ZSWIM6: variants seen among roughly 807,000 people sequenced by gnomAD.
The protein encoded by ZSWIM6 is zinc finger SWIM-type containing 6, also known as zinc finger SWIM domain-containing protein 6.
A neutral mutation model predicts 113.2 loss-of-function variants in ZSWIM6; 9 were observed. The observed-to-expected ratio is 0.08, with a 90% CI of 0.05 to 0.14. ZSWIM6 has a LOEUF of 0.14. ZSWIM6 is among the 10% of genes least tolerant of loss of function. ZSWIM6 has a pLI of 1.00. For missense variants in ZSWIM6, 1,162 were observed against 1,552.2 expected (o/e 0.75, Z 4.22); for synonymous variants, 611 against 606.5 (o/e 1.01, Z -0.11).
At chr5:61,371,964 G>A (rs909910760) in intron 1 of ZSWIM6, among the ~76,000 whole-genome samples, 3 of 152,028 alleles carry the variant, frequency 2.0e-5, no homozygotes, top group Non-Finnish European at 4.4e-5. Flanking sequence ...TGTTCTAAAA[G>A]TTCCCTATGA....
At position 61,526,354 on chromosome 5, in the gene ZSWIM6, C is replaced by A. The variant is rs2112269022; in HGVS notation, c.1795C>A (p.Gln599Lys). The A allele has an allele frequency of 1.3e-6, 2 of 1,552,026 alleles. No individual in the cohort carries two copies. The highest frequency in any genetic ancestry group is 2.4e-5 in the South Asian group (2 of 84,032). Residue 599 changes from glutamine (Q) to lysine (K), a missense_variant, in exon 7 of 14, where the codon CAG (glutamine) becomes AAG (lysine). Coordinates refer to ENST00000252744, the MANE Select transcript of ZSWIM6 (RefSeq NM_020928.2). ...AIAIVNTLRR[Q>K]QQKQLEMFRT... ...AGCTATTGTTAATACATTAAGACGACAGCAGCAGAAACAGTTGGAAATGTT... is the reference window on the plus strand; with the variant it reads ...AGCTATTGTTAATACATTAAGACGAAAGCAGCAGAAACAGTTGGAAATGTT...
chr5:61,494,174 G>A (rs1287323795), intron 3 of ZSWIM6, 86 bp from the exon 4 acceptor site: 3 of 1,365,762 alleles, frequency 2.2e-6, no homozygotes, highest in African/African-American at 1.4e-5. Context: ...ACAGAGAAAA[G>A]TGGTGGTTTG....
At chr5:61,416,807 G>A (rs945053851) in intron 1 of ZSWIM6, among the ~76,000 whole-genome samples, 1 of 152,204 alleles carries the variant, frequency 6.6e-6, no homozygotes, top group African/African-American at 2.4e-5. Context: ...AGGTAGACAG[G>A]GAATGAATGA....
chr5:61,497,994 C>T (rs1025111806), intron 4 of ZSWIM6, among the ~76,000 whole-genome samples: 1 of 152,072 alleles, frequency 6.6e-6, no homozygotes, highest in African/African-American at 2.4e-5. Context: ...CACTTAATTA[C>T]TGTGGGGGTC....
intron 1 of ZSWIM6, among the ~76,000 whole-genome samples, chr5:61,396,160 T>C (rs1745833337): frequency 6.6e-6 from 1 of 152,204 alleles, no homozygotes; most frequent in African/African-American, 2.4e-5. Context: ...TACTTTTCTT[T>C]ATCACCTTCA....
intron 1 of ZSWIM6, among the ~76,000 whole-genome samples, chr5:61,406,038 G>T (rs974262675): frequency 6.6e-6 from 1 of 152,272 alleles, no homozygotes; most frequent in East Asian, 1.9e-4. Flanking sequence ...AGCTGCATTA[G>T]GGTCTTCTGC....
intron 4 of ZSWIM6, among the ~76,000 whole-genome samples, chr5:61,509,902 C>T (rs1215136559): frequency 6.6e-6 from 1 of 151,960 alleles, no homozygotes; most frequent in Non-Finnish European, 1.5e-5. Context: ...AGTCTGAGCA[C>T]TCCAATTCTG....
intron 4 of ZSWIM6, among the ~76,000 whole-genome samples, chr5:61,516,494 A>C (rs1029802319): frequency 6.8e-6 from 1 of 146,540 alleles, no homozygotes; most frequent in Non-Finnish European, 1.5e-5. Flanking sequence ...TGTGGTTGTT[A>C]GGCTCTACAT....
chr5:61,508,952 TAA>T (rs1200799075), intron 4 of ZSWIM6, among the ~76,000 whole-genome samples: 1 of 152,176 alleles, frequency 6.6e-6, no homozygotes, highest in Non-Finnish European at 1.5e-5. Context: ...ATTGTTATAT[TAA>T]GTCACTAAGT....
At chr5:61,453,075 C>T (rs1207438226) in intron 1 of ZSWIM6, among the ~76,000 whole-genome samples, 1 of 152,134 alleles carries the variant, frequency 6.6e-6, no homozygotes, top group Non-Finnish European at 1.5e-5. Flanking sequence ...TACATGATAG[C>T]AACATGATAT....
chr5:61,456,483 C>T (rs1747207894), intron 1 of ZSWIM6, among the ~76,000 whole-genome samples: 1 of 152,174 alleles, frequency 6.6e-6, no homozygotes, highest in Non-Finnish European at 1.5e-5. Context: ...AAACCTTATT[C>T]TTAGAGTAAC....
intron 1 of ZSWIM6, among the ~76,000 whole-genome samples, chr5:61,392,841 A>G (rs773367921): frequency 4.6e-5 from 7 of 151,908 alleles, no homozygotes; most frequent in Non-Finnish European, 8.8e-5. Context: ...CGAACTCCCA[A>G]CCTCAGGTGA....
intron 1 of ZSWIM6, among the ~76,000 whole-genome samples, chr5:61,387,011 ATTAT>A (rs1745603844): frequency 6.6e-6 from 1 of 152,100 alleles, no homozygotes; most frequent in African/African-American, 2.4e-5. Flanking sequence ...CTTTTGTTGT[ATTAT>A]TTATGATATT....
At chr5:61,425,237 A>T (rs1030514815) in intron 1 of ZSWIM6, among the ~76,000 whole-genome samples, 3 of 152,240 alleles carry the variant, frequency 2.0e-5, no homozygotes, top group African/African-American at 7.2e-5. Context: ...TATTAGTTAC[A>T]TCCCAATTTC....
intron 5 of ZSWIM6, among the ~76,000 whole-genome samples, chr5:61,524,141 T>G (rs1323933163): frequency 6.6e-6 from 1 of 152,234 alleles, no homozygotes; most frequent in Non-Finnish European, 1.5e-5. Context: ...TATGTGAGGC[T>G]TGGACTTTGA....
chr5:61,375,339 C>G, intron 1 of ZSWIM6: 4 of 1,605,232 alleles, frequency 2.5e-6, no homozygotes, highest in South Asian at 1.1e-5. Flanking sequence ...TGGAAAAACA[C>G]AGAGAGAAAT....
At chr5:61,541,146 A>C (rs1226836204) in intron 12 of ZSWIM6, among the ~76,000 whole-genome samples, 3 of 151,670 alleles carry the variant, frequency 2.0e-5, no homozygotes, top group Non-Finnish European at 4.4e-5. Flanking sequence ...GTTTCACCAT[A>C]TTGGCCAGGC....
intron 1 of ZSWIM6, among the ~76,000 whole-genome samples, chr5:61,441,659 T>C (rs1401615682): frequency 2.0e-5 from 3 of 151,998 alleles, no homozygotes; most frequent in Middle Eastern, 3.2e-3. Context: ...GGATGCGGAG[T>C]GTGCAAGGGT....
intron 1 of ZSWIM6, among the ~76,000 whole-genome samples, chr5:61,364,206 G>A (rs1333919090): frequency 6.6e-6 from 1 of 151,760 alleles, no homozygotes; most frequent in Non-Finnish European, 1.5e-5. Flanking sequence ...CACCATGCCC[G>A]GCCCATAGTT....
Sources: allele counts gnomAD v4.1 joint callset (sites outside exome capture counted in the v4.1 genomes callset), GRCh38; gene constraint gnomAD v4.1.1; transcripts MANE v1.5; gene names NCBI Gene and HGNC (gene_info 2026-07-23, HGNC 2026-07-21).